Variants in PTPRN2 observed in about 807,000 individuals in gnomAD.
PTPRN2 encodes the protein protein tyrosine phosphatase receptor type N2, also known as receptor-type tyrosine-protein phosphatase N2.
PTPRN2 carries 74 observed loss-of-function variants against 118.8 expected under a neutral mutation model. The ratio of observed to expected loss-of-function variants is 0.62; its 90% CI spans 0.52 to 0.76. The LOEUF (loss-of-function observed/expected upper bound fraction) is 0.76. Ranked by LOEUF, PTPRN2 falls within the 30% of genes least tolerant of loss-of-function variation. PTPRN2 has a pLI of 0.00. For synonymous variants in PTPRN2, 641 were observed against 608.0 expected (o/e 1.05, Z -0.80); for missense variants, 1,481 against 1,394.4 (o/e 1.06, Z -0.99).
At chr7:158,227,560 A>C (rs548447550) in intron 3 of PTPRN2, among the ~76,000 whole-genome samples, 49 of 152,262 alleles carry the variant, frequency 3.2e-4, no homozygotes, top group African/African-American at 1.2e-3. Flanking sequence ...GGTGGTCAGC[A>C]CATTGCAGGA....
intron 2 of PTPRN2, among the ~76,000 whole-genome samples, chr7:158,418,423 CT>C (rs1266243519): frequency 1.4e-5 from 2 of 146,354 alleles, no homozygotes; most frequent in East Asian, 4.3e-4. Flanking sequence ...TCATGGTGTA[CT>C]ACATCGAGAT....
chr7:157,725,365 G>GGATATCTACACACAGAGGAGTGA lies in PTPRN2; in HGVS notation c.1789-42429_1789-42428insTCACTCCTCTGTGTGTAGATATC, dbSNP rs1799500588. ...TGGATATCTACACACAGAGGAGTGT[G>GGATATCTACACACAGAGGAGTGA]GCCAGACCCTCGCCTCCCAGGAGAA... On this transcript the variant is annotated intron_variant, in intron 12 of 22. Transcript: ENST00000389418. Among the ~76,000 whole-genome samples the GGATATCTACACACAGAGGAGTGA allele has an allele frequency of 2.4e-4, 4 of 16,586 alleles. 1 individual carries two copies. The highest frequency in any genetic ancestry group is 1.0e-3 in the African/African-American group (3 of 2,872). 10.9% of individuals were successfully genotyped at this position (16,586 alleles called of 152,430 possible).
intron 9 of PTPRN2, among the ~76,000 whole-genome samples, chr7:158,115,501 G>C (rs1369434739): frequency 6.6e-6 from 1 of 152,080 alleles, no homozygotes; most frequent in Non-Finnish European, 1.5e-5. Flanking sequence ...CCAATCTTTA[G>C]CCCCAAGGTG....
At chr7:158,429,823 A>C (rs547422341) in intron 2 of PTPRN2, among the ~76,000 whole-genome samples, 2 of 152,364 alleles carry the variant, frequency 1.3e-5, no homozygotes, top group Admixed American at 6.5e-5. Flanking sequence ...TGAAATGTCA[A>C]GTCCAAATCT....
chr7:158,250,215 T>C (rs969414606), intron 3 of PTPRN2, among the ~76,000 whole-genome samples: 2 of 152,130 alleles, frequency 1.3e-5, no homozygotes, highest in African/African-American at 4.8e-5. Context: ...ATCTATGGGG[T>C]GGTCCCTGCC....
chr7:157,571,843 C>T (rs1211750738), intron 19 of PTPRN2, among the ~76,000 whole-genome samples: 2 of 152,220 alleles, frequency 1.3e-5, no homozygotes, highest in Non-Finnish European at 1.5e-5. Flanking sequence ...CCTTTTGTTA[C>T]ACTACATCTT....
intron 6 of PTPRN2, among the ~76,000 whole-genome samples, chr7:158,156,696 G>T (rs116044639): frequency 1.3e-3 from 202 of 152,292 alleles, no homozygotes; most frequent in Middle Eastern, 6.8e-3. Context: ...AGCCTGTGAC[G>T]CACTCACCCG....
intron 12 of PTPRN2, among the ~76,000 whole-genome samples, chr7:157,741,565 C>A (rs571370747): frequency 1.3e-5 from 2 of 152,346 alleles, no homozygotes; most frequent in Admixed American, 6.5e-5. Context: ...CGCTCTCTTC[C>A]TCACCTCTCT....
intron 2 of PTPRN2, among the ~76,000 whole-genome samples, chr7:158,358,500 T>C (rs901294995): frequency 6.6e-6 from 1 of 152,202 alleles, no homozygotes; most frequent in African/African-American, 2.4e-5. Context: ...AATACGTGTA[T>C]GTACCCCCAC....
intron 3 of PTPRN2, among the ~76,000 whole-genome samples, chr7:158,219,046 G>C (rs1828157946): frequency 6.6e-6 from 1 of 151,974 alleles, no homozygotes; most frequent in African/African-American, 2.4e-5. Flanking sequence ...AGATATTCTG[G>C]ACTCAAACTC....
intron 1 of PTPRN2, among the ~76,000 whole-genome samples, chr7:158,564,773 C>A (rs1222664044): frequency 6.6e-6 from 1 of 152,234 alleles, no homozygotes; most frequent in Non-Finnish European, 1.5e-5. Context: ...AGAGGGCGGG[C>A]AGCTCAGCAC....
intron 3 of PTPRN2, among the ~76,000 whole-genome samples, chr7:158,272,548 C>T (rs1412886726): frequency 6.6e-6 from 1 of 152,182 alleles, no homozygotes; most frequent in African/African-American, 2.4e-5. Flanking sequence ...CACTCTCTAC[C>T]AGAACGGCAG....
Position 158,316,846 on chromosome 7 carries a change from C to A in PTPRN2, c.250G>T (p.Val84Leu). The change falls in exon 3 of 23, where the codon GTG becomes TTG. Residue 84 changes from valine (V) to leucine (L), a missense_variant. Physicochemically the swap from Val to Leu is conservative, Grantham distance 32. This residue lies in a region of PTPRN2 where 1,115 missense variants were observed against 994.2 expected (regional missense o/e 1.12). Coordinates refer to ENST00000389418, the MANE Select transcript of PTPRN2 (RefSeq NM_002847.5). ...GTGCCGGAAAGCTTCTGCAACGCCA[C>A]GCGCAGGCGCTGCAGGGCCACGGGC... ...VSPVALQRLR[V>L]ALQKLSGTGF... 1 of 1,608,796 alleles carries A rather than the reference C, an allele frequency of 6.2e-7. No homozygotes were observed. Among genetic ancestry groups the A allele is most frequent in the Non-Finnish European group, 8.5e-7 (1 of 1,179,584 alleles).
intron 2 of PTPRN2, among the ~76,000 whole-genome samples, chr7:158,487,650 A>T (rs930003595): frequency 7.9e-5 from 12 of 152,198 alleles, no homozygotes; most frequent in Non-Finnish European, 1.5e-4. Flanking sequence ...GGCTGGTGAC[A>T]GAATGTTCTA....
rs148138636 is a variant in PTPRN2, at chr7:157,600,719, C to T, written c.2418+3283G>A. 5.7e-3 allele frequency among the ~76,000 whole-genome samples: 868 copies of T among 152,306 alleles called. 7 individuals carry two copies. The highest frequency in any genetic ancestry group is 0.02 in the African/African-American group (833 of 41,558). On this transcript the variant is annotated intron_variant, in intron 16 of 22. Transcript: ENST00000389418. ...CCACTGCACCCAGTCAGCAGATTGA[C>T]TTTTGAACTTGAAATATTTTTATAT...
rs552263026 is a variant in PTPRN2, at chr7:158,578,578, C to T, written c.112+8980G>A. Reference sequence around the variant, plus strand: ...CATAGATTCAAAGAGTACATGTATACGCAGGTTTGTTACGTGGGTGTATTG... The same window carrying T: ...CATAGATTCAAAGAGTACATGTATATGCAGGTTTGTTACGTGGGTGTATTG... On this transcript the variant is annotated intron_variant, in intron 1 of 22. Coordinates refer to ENST00000389418, the MANE Select transcript of PTPRN2 (RefSeq NM_002847.5). 9.4e-5 allele frequency among the ~76,000 whole-genome samples: 14 copies of T among 148,158 alleles called. No individual in the cohort carries two copies. The South Asian group carries it at 1.5e-3, about 16-fold the overall frequency.
At chr7:158,474,294 C>T (rs1219239579) in intron 2 of PTPRN2, among the ~76,000 whole-genome samples, 1 of 152,200 alleles carries the variant, frequency 6.6e-6, no homozygotes, top group Non-Finnish European at 1.5e-5. Flanking sequence ...ACCCCAGGAC[C>T]TCTGGAAAAC....
intron 12 of PTPRN2, among the ~76,000 whole-genome samples, chr7:157,752,046 G>T (rs892244335): frequency 7.9e-5 from 12 of 152,160 alleles, no homozygotes; most frequent in Admixed American, 3.3e-4. Context: ...GAAAAGCTCT[G>T]GTCTTCAGGC....
At chr7:157,972,815 C>T (rs1004654473) in intron 11 of PTPRN2, among the ~76,000 whole-genome samples, 43 of 124,276 alleles carry the variant, frequency 3.5e-4, no homozygotes, top group Non-Finnish European at 4.9e-4. Context: ...CTTCAGAGAC[C>T]GCAGAAACTC....
Sources: gnomAD v4.1 joint callset for allele counts (sites outside exome capture counted in the v4.1 genomes callset) on GRCh38, gnomAD v4.1.1 for gene constraint, gnomAD v4.1.1 regional missense constraint, MANE v1.5 for transcripts, NCBI Gene and HGNC (gene_info 2026-07-23, HGNC 2026-07-21) for gene names.